FOXP2: variants seen among roughly 807,000 people sequenced by gnomAD.
The protein encoded by FOXP2 is forkhead box protein P2.
Under a neutral mutation model 115.8 loss-of-function variants are expected in FOXP2, and 12 were observed. That is an observed-to-expected ratio of 0.10 (90% confidence interval 0.07 to 0.17). FOXP2 has a LOEUF of 0.17. FOXP2 is among the 10% of genes least tolerant of loss of function. FOXP2 has a pLI of 1.00. For synonymous variants in FOXP2, 328 were observed against 297.7 expected (o/e 1.10, Z -1.05); for missense variants, 629 against 843.5 (o/e 0.75, Z 3.15).
Position 114,329,673 on chromosome 7 carries a change from T to G in FOXP2, c.-11+41564T>G, listed in dbSNP as rs201372547. Among the ~76,000 whole-genome samples the G allele has an allele frequency of 3.7e-3, 220 of 59,706 alleles. 1 individual carries two copies. Among genetic ancestry groups the G allele is most frequent in the African/African-American group, 0.012 (205 of 17,510 alleles). 39.2% of individuals were successfully genotyped at this position (59,706 alleles called of 152,430 possible). On this transcript the variant is annotated intron_variant, in intron 2 of 17. Transcript: ENST00000634411. ...ATTTATTTATTTATTTATTTATTTA[T>G]TTATTTATTTATTTATTTTATGAGA...
intron 2 of FOXP2, among the ~76,000 whole-genome samples, chr7:114,512,233 C>T (rs1798112366): frequency 6.6e-6 from 1 of 152,142 alleles, no homozygotes; most frequent in Non-Finnish European, 1.5e-5. Flanking sequence ...AAGAGAGAAG[C>T]ATGTTTATAA....
intron 2 of FOXP2, among the ~76,000 whole-genome samples, chr7:114,523,171 G>C (rs964838797): frequency 6.6e-5 from 10 of 152,060 alleles, no homozygotes; most frequent in African/African-American, 2.2e-4. Context: ...TGTAAACTGG[G>C]AAGAAGGAAT....
chr7:114,127,021 G>A (rs1430255005), intron 1 of FOXP2, among the ~76,000 whole-genome samples: 1 of 152,178 alleles, frequency 6.6e-6, no homozygotes, highest in African/African-American at 2.4e-5. Context: ...CTGCAATCAA[G>A]GTGTCAGTGA....
intron 3 of FOXP2, among the ~76,000 whole-genome samples, chr7:114,608,616 C>T (rs138348052): frequency 3.3e-5 from 5 of 152,264 alleles, no homozygotes; most frequent in East Asian, 3.9e-4. Context: ...TACTTACTCT[C>T]AGGGAGAGTA....
chr7:114,367,465 C>A (rs1231091184), intron 2 of FOXP2, among the ~76,000 whole-genome samples: 1 of 151,934 alleles, frequency 6.6e-6, no homozygotes, highest in African/African-American at 2.4e-5. Context: ...CCAATCAGAC[C>A]CCCTTATTCT....
chr7:114,539,692 G>A (rs1280120825), intron 3 of FOXP2, among the ~76,000 whole-genome samples: 4 of 151,986 alleles, frequency 2.6e-5, no homozygotes, highest in Non-Finnish European at 5.9e-5. Context: ...GAATGTTATA[G>A]AATACAATTT....
At position 114,542,999 on chromosome 7, in the gene FOXP2, C is replaced by T. The variant is rs192802059; in HGVS notation, c.258+8293C>T. Among the ~76,000 whole-genome samples the T allele has an allele frequency of 4.6e-4, 70 of 151,928 alleles. 2 individuals carry two copies. The highest frequency in any genetic ancestry group is 3.9e-3 in the Admixed American group (60 of 15,250). ...AGAGACGGGGTTTCACCCTGTTGGC[C>T]TCGAACTCCTGACCTTAAGTGATCC... On this transcript the variant is annotated intron_variant, in intron 3 of 16. Coordinates refer to ENST00000350908, the MANE Select transcript of FOXP2 (RefSeq NM_014491.4).
rs552393008 is a variant in FOXP2 at position 114,271,946 on chromosome 7, T to C, written c.-101-16073T>C. 4.8e-3 allele frequency among the ~76,000 whole-genome samples: 629 copies of C among 132,388 alleles called. 4 individuals are homozygous for C. The highest frequency in any genetic ancestry group is 0.017 in the African/African-American group (588 of 35,448). 86.9% of individuals were successfully genotyped at this position (132,388 alleles called of 152,430 possible). A position where few individuals can be genotyped will look rare whatever the true frequency, so the allele number is the denominator to read the frequency against. On this transcript the variant is annotated intron_variant, in intron 1 of 17. Coordinates refer to the FOXP2 transcript ENST00000634411. ...TAATTATTATAATATTAATATATTG[T>C]ATTTATTATTATATTAATTATATAT...
chr7:114,628,707 A>G (rs766308904), intron 4 of FOXP2, 30 bp downstream of exon 4: 2 of 1,613,694 alleles, frequency 1.2e-6, no homozygotes, highest in East Asian at 2.2e-5. Context: ...TTGGTGTTCT[A>G]GCATGACTTA....
intron 1 of FOXP2, among the ~76,000 whole-genome samples, chr7:114,185,309 T>C (rs530541787): frequency 1.1e-4 from 17 of 152,296 alleles, no homozygotes; most frequent in African/African-American, 4.1e-4. Context: ...ACTTAGTGGA[T>C]ACTCAGTAAT....
Position 114,652,305 on chromosome 7 carries a change from C to T in FOXP2, c.1182+15C>T. 1.9e-6 allele frequency: 3 copies of T among 1,609,030 alleles called. No individual in the cohort carries two copies. Among genetic ancestry groups the T allele is most frequent in the Non-Finnish European group, 2.6e-6 (3 of 1,176,208 alleles). ...TAGAAATACAGGTTTGTTAAATGCT[C>T]ACTTAATGGACTCTTCTTAGATTTC... On this transcript the variant is annotated intron_variant, in intron 9 of 16. Coordinates refer to ENST00000350908, the MANE Select transcript of FOXP2 (RefSeq NM_014491.4).
At chr7:114,570,856 A>C in intron 3 of FOXP2, 1 of 1,612,094 alleles carries the variant, frequency 6.2e-7, no homozygotes, top group Non-Finnish European at 8.5e-7. Context: ...TCTTCTGGTG[A>C]TGGGCATCCT....
At chr7:114,255,565 G>T (rs1795588034) in intron 1 of FOXP2, among the ~76,000 whole-genome samples, 1 of 152,232 alleles carries the variant, frequency 6.6e-6, no homozygotes, top group Admixed American at 6.5e-5. Context: ...AATGAACGAG[G>T]ATCCGTGGGC....
intron 3 of FOXP2, among the ~76,000 whole-genome samples, chr7:114,556,521 AT>A (rs2129289309): frequency 6.6e-6 from 1 of 152,340 alleles, no homozygotes; most frequent in South Asian, 2.1e-4. Context: ...TACTTTGTGA[AT>A]TTGGAAAAAA....
chr7:114,352,436 C>CAGTATATTGTA (rs1791516145), intron 2 of FOXP2, among the ~76,000 whole-genome samples: 3 of 152,100 alleles, frequency 2.0e-5, no homozygotes, highest in African/African-American at 7.2e-5. Flanking sequence ...ATAACATAGA[C>CAGTATATTGTA]CAACAGTATA....
intron 2 of FOXP2, among the ~76,000 whole-genome samples, chr7:114,372,798 T>C (rs1792045624): frequency 6.6e-6 from 1 of 152,118 alleles, no homozygotes; most frequent in Non-Finnish European, 1.5e-5. Flanking sequence ...AAGTAAATAA[T>C]TGCCATACAT....
At chr7:114,300,421 G>C (rs572335676) in intron 2 of FOXP2, among the ~76,000 whole-genome samples, 3 of 151,912 alleles carry the variant, frequency 2.0e-5, no homozygotes, top group Admixed American at 2.0e-4. Flanking sequence ...TTATTTCTGG[G>C]AGATAGAGGT....
At chr7:114,261,029 G>C (rs1458239401) in intron 1 of FOXP2, among the ~76,000 whole-genome samples, 1 of 152,206 alleles carries the variant, frequency 6.6e-6, no homozygotes, top group African/African-American at 2.4e-5. Context: ...TTAAATAGTA[G>C]TAGATGGTGG....
At chr7:114,659,187 C>G (rs1806746329) in intron 11 of FOXP2, among the ~76,000 whole-genome samples, 169 bp from the exon 12 acceptor site, 1 of 152,176 alleles carries the variant, frequency 6.6e-6, no homozygotes, top group Non-Finnish European at 1.5e-5. Flanking sequence ...CACTTCGCGT[C>G]AGAAATGGCC....
Sources: gnomAD v4.1 joint callset for allele counts (sites outside exome capture counted in the v4.1 genomes callset) on GRCh38, gnomAD v4.1.1 for gene constraint, MANE v1.5 for transcripts, NCBI Gene and HGNC (gene_info 2026-07-23, HGNC 2026-07-21) for gene names.